Variants in FAM13A observed in about 807,000 individuals in gnomAD.
The protein encoded by FAM13A is family with sequence similarity 13 member A.
FAM13A carries 76 observed loss-of-function variants against 129.6 expected under a neutral mutation model. That is an observed-to-expected ratio of 0.59 (90% CI 0.49 to 0.71). The LOEUF (loss-of-function observed/expected upper bound fraction) is 0.71, where lower values mean the gene tolerates loss of function less well. Among genes scored for constraint, FAM13A ranks in the 30% least tolerant of loss-of-function variants. The probability of loss-of-function intolerance (pLI) is 0.00; values close to 1 mark genes in which losing one functional copy is unlikely to be tolerated. For synonymous variants in FAM13A, 443 were observed against 449.9 expected, an observed-to-expected ratio of 0.98 and a Z score of 0.20; for missense variants, 1,108 against 1,249.3, an observed-to-expected ratio of 0.89 and a Z score of 1.70.
At chr4:88,767,639 TG>T (rs1745940732) in intron 12 of FAM13A, 44 bp from the exon 13 acceptor site, 2 of 1,471,188 alleles carry the variant, frequency 1.4e-6, no homozygotes, top group African/African-American at 1.4e-5. Flanking sequence ...AATATCTACT[TG>T]TTTTATAACG....
At position 88,928,622 on chromosome 4, in the gene FAM13A, G is replaced by T. The variant is rs552539536; in HGVS notation, c.759+9466C>A. On this transcript the variant is annotated intron_variant, in intron 5 of 23. Transcript: ENST00000264344. Reference sequence around the variant, plus strand: ...ATCTGATATAAGTATAGCTACTCCTGCTTGGTTTTGGTTTCTGTTTGCCTG... The same window carrying T: ...ATCTGATATAAGTATAGCTACTCCTTCTTGGTTTTGGTTTCTGTTTGCCTG... Among the ~76,000 whole-genome samples the T allele has an allele frequency of 3.3e-5, 5 of 152,024 alleles. No homozygotes were observed. The East Asian group carries it at 9.7e-4, about 29-fold the overall frequency.
chr4:89,032,141 G>A (rs1234134107), intron 1 of FAM13A, among the ~76,000 whole-genome samples: 1 of 152,116 alleles, frequency 6.6e-6, no homozygotes, highest in Non-Finnish European at 1.5e-5. Flanking sequence ...CAACTCAGGA[G>A]GCTGAGGCTC....
At chr4:88,757,539 G>A (rs998654) in intron 14 of FAM13A, among the ~76,000 whole-genome samples, 76,650 of 151,900 alleles carry the variant, frequency 0.5, 21,849 homozygotes, top group Non-Finnish European at 0.65. Context: ...AGGTACTCAG[G>A]AATATATAAC....
intron 1 of FAM13A, among the ~76,000 whole-genome samples, chr4:89,052,813 A>C (rs1771780013): frequency 6.6e-6 from 1 of 152,124 alleles, no homozygotes; most frequent in African/African-American, 2.4e-5. Flanking sequence ...CTTTCTGATT[A>C]ACAACTCCAT....
At chr4:88,896,834 A>C (rs1746426137) in intron 6 of FAM13A, among the ~76,000 whole-genome samples, 1 of 152,230 alleles carries the variant, frequency 6.6e-6, no homozygotes, top group African/African-American at 2.4e-5. Context: ...TTATCAGTAC[A>C]TTTTGTATCC....
intron 3 of FAM13A, among the ~76,000 whole-genome samples, chr4:89,003,584 A>C (rs1764582595): frequency 6.6e-6 from 1 of 152,022 alleles, no homozygotes; most frequent in Non-Finnish European, 1.5e-5. Flanking sequence ...AGTGAGCTGG[A>C]ATCCCACACC....
intron 5 of FAM13A, among the ~76,000 whole-genome samples, chr4:88,913,520 GGAGGAGGAAGAAGAGGAAGAA>G (rs1749549031): frequency 6.7e-6 from 1 of 149,034 alleles, no homozygotes; most frequent in African/African-American, 2.5e-5. Flanking sequence ...AAGAAGAGGA[GGAGGAGGAAGAAGAGGAAGAA>G]GAGGAGGAAG....
chr4:88,852,027 T>C (rs909025751), intron 6 of FAM13A, among the ~76,000 whole-genome samples: 6 of 152,198 alleles, frequency 3.9e-5, no homozygotes, highest in African/African-American at 1.4e-4. Context: ...TCTAGGATTT[T>C]TCCCATGCTT....
chr4:88,819,120 C>T (rs908854205), intron 7 of FAM13A, among the ~76,000 whole-genome samples: 1 of 152,134 alleles, frequency 6.6e-6, no homozygotes, highest in Admixed American at 6.5e-5. Context: ...TGATGTGCTT[C>T]ACCATCATAA....
At chr4:88,802,782 C>G (rs189770024) in intron 8 of FAM13A, among the ~76,000 whole-genome samples, 21 of 152,272 alleles carry the variant, frequency 1.4e-4, no homozygotes, top group African/African-American at 5.1e-4. Flanking sequence ...TCCTCTATCC[C>G]AGACACAGAC....
chr4:89,029,708 G>T (rs1768439466), intron 1 of FAM13A, 59 bp from the exon 2 acceptor site: 8 of 1,401,384 alleles, frequency 5.7e-6, no homozygotes, highest in African/African-American at 1.4e-5. Context: ...AGGTTGCATG[G>T]TTACAACAGA....
At chr4:88,859,963 T>C (rs1739220532) in intron 6 of FAM13A, among the ~76,000 whole-genome samples, 1 of 152,168 alleles carries the variant, frequency 6.6e-6, no homozygotes. Flanking sequence ...CAAAATACTA[T>C]TTTCCTTATA....
At chr4:88,965,478 A>G (rs1759228237) in intron 4 of FAM13A, among the ~76,000 whole-genome samples, 1 of 152,216 alleles carries the variant, frequency 6.6e-6, no homozygotes, top group African/African-American at 2.4e-5. Flanking sequence ...AAATGTTCAA[A>G]TCACAAATTT....
At chr4:88,926,983 C>G (rs1281587595) in intron 5 of FAM13A, among the ~76,000 whole-genome samples, 1 of 151,978 alleles carries the variant, frequency 6.6e-6, no homozygotes, top group Non-Finnish European at 1.5e-5. Flanking sequence ...CTACACCCAC[C>G]GACAGACACA....
chr4:88,768,168 A>C (rs1207384221), intron 11 of FAM13A, 109 bp from the exon 12 acceptor site: 3 of 572,230 alleles, frequency 5.2e-6, no homozygotes, highest in African/African-American at 3.8e-5. Context: ...ATATAAACTA[A>C]TTCTAGTCCT....
intron 7 of FAM13A, among the ~76,000 whole-genome samples, chr4:88,833,916 A>C (rs1734342852): frequency 6.6e-6 from 1 of 151,930 alleles, no homozygotes; most frequent in Non-Finnish European, 1.5e-5. Context: ...TTAATTTATT[A>C]ATTTAATTTA....
intron 7 of FAM13A, among the ~76,000 whole-genome samples, chr4:88,849,852 C>T (rs796624729): frequency 3.3e-5 from 5 of 152,298 alleles, no homozygotes; most frequent in Admixed American, 1.3e-4. Flanking sequence ...ATGACCTGGC[C>T]TCACTCCACC....
chr4:88,871,241 C>T (rs1741332347), intron 6 of FAM13A, among the ~76,000 whole-genome samples: 1 of 152,192 alleles, frequency 6.6e-6, no homozygotes, highest in South Asian at 2.1e-4. Context: ...GCCTCTTCTC[C>T]AAAAGATCAC....
Position 89,020,423 on chromosome 4 carries a change from A to G in FAM13A, c.427+37T>C, listed in dbSNP as rs746071290. On this transcript the variant is annotated intron_variant, in intron 3 of 23. Coordinates refer to ENST00000264344, the MANE Select transcript of FAM13A (RefSeq NM_014883.4). ...TGGGCCACCGTGCCCAGCCTAGTAA[A>G]GTTGTTTTAACTCCTAAAAGGATTT... The G allele has an allele frequency of 7.3e-6, 11 of 1,510,734 alleles. No homozygotes were observed. The African/African-American group carries it at 1.4e-4, about 19-fold the overall frequency. The allele number at this position is 1,510,734 out of a possible 1,614,324, so 93.6% of individuals were successfully genotyped here.
Sources: gnomAD v4.1 joint callset for allele counts (sites outside exome capture counted in the v4.1 genomes callset) on GRCh38, gnomAD v4.1.1 for gene constraint, MANE v1.5 for transcripts, NCBI Gene and HGNC (gene_info 2026-07-23, HGNC 2026-07-21) for gene names.